PUDP: variants seen among roughly 807,000 people sequenced by gnomAD.
PUDP encodes the protein pseudouridine-5'-phosphatase.
Under a neutral mutation model 9.4 loss-of-function variants are expected in PUDP, and 8 were observed. The observed-to-expected ratio is 0.85, with a 90% CI of 0.50 to 1.53. The LOEUF is 1.53. Ranked by LOEUF, PUDP falls within the 40% of genes most tolerant of loss-of-function variation. PUDP has a pLI of 0.00. For synonymous variants in PUDP, 99 were observed against 80.7 expected, an observed-to-expected ratio of 1.23 and a Z score of -1.22; for missense variants, 188 against 189.7, an observed-to-expected ratio of 0.99 and a Z score of 0.05.
intron 3 of PUDP, among the ~76,000 whole-genome samples, chrX:6,835,963 C>T (rs964485467): frequency 1.8e-5 from 2 of 110,553 alleles, no homozygotes; most frequent in African/African-American, 6.6e-5. Context: ...AAGTGATCCA[C>T]CTGCCTCGGC....
intron 3 of PUDP, among the ~76,000 whole-genome samples, chrX:6,953,332 T>G (rs1271519156): frequency 9.0e-6 from 1 of 111,269 alleles, no homozygotes; most frequent in African/African-American, 3.3e-5. Flanking sequence ...TTCATAGAAC[T>G]CTCCTGCTTA....
At chrX:7,060,144 G>A (rs777363815) in intron 3 of PUDP, among the ~76,000 whole-genome samples, 1 of 111,733 alleles carries the variant, frequency 8.9e-6, no homozygotes, top group African/African-American at 3.3e-5. Flanking sequence ...GGGGATGAGA[G>A]GCCTACAAAG....
At chrX:6,848,588 T>C (rs1926782285) in intron 3 of PUDP, among the ~76,000 whole-genome samples, 1 of 112,223 alleles carries the variant, frequency 8.9e-6, no homozygotes, top group Non-Finnish European at 1.9e-5. Flanking sequence ...GATTTGGATG[T>C]TTCTCCCCTC....
chrX:6,942,032 T>C (rs994951990), intron 3 of PUDP, among the ~76,000 whole-genome samples: 1 of 111,236 alleles, frequency 9.0e-6, no homozygotes, highest in South Asian at 3.8e-4. Flanking sequence ...TGTGGAATAA[T>C]AGACACTGGA....
intron 3 of PUDP, among the ~76,000 whole-genome samples, chrX:6,836,215 C>A (rs774850672): frequency 3.6e-5 from 4 of 111,301 alleles, no homozygotes; most frequent in African/African-American, 1.3e-4. Flanking sequence ...ATTACAGATT[C>A]GTAATTTCCT....
chrX:6,880,392 T>C (rs139309712), intron 3 of PUDP, among the ~76,000 whole-genome samples: 1,287 of 111,824 alleles, frequency 0.012, 65 homozygotes, highest in Admixed American at 0.11. Flanking sequence ...CTTAGAATAA[T>C]GGTCTCCAAT....
intron 3 of PUDP, among the ~76,000 whole-genome samples, chrX:6,886,790 A>G (rs1927429794): frequency 9.0e-6 from 1 of 110,785 alleles, no homozygotes; most frequent in Non-Finnish European, 1.9e-5. Flanking sequence ...GAGTACTCAG[A>G]ATCATATCAT....
chrX:7,066,402 G>A (rs748530175), intron 3 of PUDP, among the ~76,000 whole-genome samples: 1 of 111,504 alleles, frequency 9.0e-6, no homozygotes, highest in East Asian at 2.8e-4. Context: ...TTTCGTAGAG[G>A]ACAATTTTTC....
chrX:6,917,444 T>G (rs769972309), intron 3 of PUDP, among the ~76,000 whole-genome samples: 10 of 111,706 alleles, frequency 9.0e-5, no homozygotes, highest in Non-Finnish European at 1.5e-4. Context: ...TTTTTCTTCT[T>G]GCATTCTGAC....
intron 1 of PUDP, among the ~76,000 whole-genome samples, chrX:7,125,722 G>A (rs1238176660): frequency 8.9e-6 from 1 of 111,863 alleles, no homozygotes; most frequent in Admixed American, 9.5e-5. Context: ...TCACAATCAT[G>A]GCAGAAGATG....
chrX:6,966,428 A>G (rs1250021620), intron 3 of PUDP, among the ~76,000 whole-genome samples: 3 of 110,636 alleles, frequency 2.7e-5, no homozygotes, highest in African/African-American at 9.8e-5. Context: ...AGATTATCTC[A>G]CTCTGCCATT....
chrX:6,964,709 G>GAATA (rs756893381), intron 3 of PUDP, among the ~76,000 whole-genome samples: 2 of 110,561 alleles, frequency 1.8e-5, no homozygotes, highest in African/African-American at 3.3e-5. Flanking sequence ...GTCAATAAAT[G>GAATA]AATAAATAAA....
intron 3 of PUDP, among the ~76,000 whole-genome samples, chrX:6,752,872 T>C (rs1282938516): frequency 8.9e-6 from 1 of 111,877 alleles, no homozygotes; most frequent in Non-Finnish European, 1.9e-5. Flanking sequence ...CAGGAATATG[T>C]GATTATCCCT....
chrX:6,999,562 G>A (rs759696472), intron 1 of PUDP, among the ~76,000 whole-genome samples: 16 of 111,300 alleles, frequency 1.4e-4, no homozygotes, highest in African/African-American at 3.9e-4. Flanking sequence ...GTGTATAGAC[G>A]TCACATTTTT....
At chrX:6,965,702 T>C (rs187711203) in intron 3 of PUDP, among the ~76,000 whole-genome samples, 37 of 112,499 alleles carry the variant, frequency 3.3e-4, no homozygotes, top group African/African-American at 1.2e-3. Context: ...GCATACAGTA[T>C]ATAAAACCCA....
chrX:7,057,909 C>T (rs924614740), intron 3 of PUDP: 20 of 628,885 alleles, frequency 3.2e-5, no homozygotes, highest in Non-Finnish European at 4.4e-5. Context: ...GGAGAAGGGC[C>T]CGCGGCTTGT....
Position 7,077,217 on chromosome X carries a change from T to C in PUDP, c.510+3A>G. 1.7e-6 allele frequency: 2 copies of C among 1,185,741 alleles called. No homozygotes were observed. Among genetic ancestry groups the C allele is most frequent in the Non-Finnish European group, 1.1e-6 (1 of 882,399 alleles). Reference sequence around the variant, plus strand: ...ACGGCCCGTGTCACCGGCACCCACTTACCTTCTCCATAGCAGGAGGGGGAG... The same window carrying C: ...ACGGCCCGTGTCACCGGCACCCACTCACCTTCTCCATAGCAGGAGGGGGAG... On this transcript the variant is annotated splice_donor_region_variant and intron_variant, in intron 3 of 3. Coordinates refer to ENST00000381077, the MANE Select transcript of PUDP (RefSeq NM_012080.5).
At chrX:6,769,471 T>A (rs948200370) in intron 3 of PUDP, among the ~76,000 whole-genome samples, 3 of 111,775 alleles carry the variant, frequency 2.7e-5, no homozygotes, top group Non-Finnish European at 5.6e-5. Flanking sequence ...CCCATGACTG[T>A]TCATCACCCA....
intron 3 of PUDP, among the ~76,000 whole-genome samples, chrX:6,918,182 A>G (rs1927964548): frequency 8.9e-6 from 1 of 112,233 alleles, no homozygotes; most frequent in African/African-American, 3.2e-5. Context: ...CCACGCTTCC[A>G]CACACAGCTC....
Sources: gnomAD v4.1 joint callset for allele counts (sites outside exome capture counted in the v4.1 genomes callset) on GRCh38, gnomAD v4.1.1 for gene constraint, MANE v1.5 for transcripts, NCBI Gene and HGNC (gene_info 2026-07-23, HGNC 2026-07-21) for gene names.